Variants in MARCO observed in about 807,000 individuals in gnomAD.
MARCO encodes the protein macrophage receptor with collagenous structure.
In MARCO, 72 loss-of-function variants were observed where a neutral mutation model predicts 70.0. The ratio of observed to expected loss-of-function variants is 1.03; its 90% CI spans 0.85 to 1.25. The LOEUF is 1.25. MARCO is among the 50% of genes most tolerant of loss of function. The pLI, the probability that MARCO is intolerant of heterozygous loss-of-function variation, is 0.00. For synonymous variants in MARCO, 273 were observed against 243.1 expected, an observed-to-expected ratio of 1.12 and a Z score of -1.14; for missense variants, 696 against 659.3, an observed-to-expected ratio of 1.06 and a Z score of -0.61.
rs929464007 is a variant in MARCO, at chr2:118,946,912, C to T, written c.97+4515C>T. 2.6e-5 allele frequency among the ~76,000 whole-genome samples: 4 copies of T among 152,182 alleles called. No homozygotes were observed. In the South Asian group the frequency reaches 8.3e-4, roughly 32 times the overall value. Reference sequence around the variant, plus strand: ...ATTTAATTTACATTTTCCTAATGGCCAGTAATGTTGACTATCTTCTCATGT... The same window carrying T: ...ATTTAATTTACATTTTCCTAATGGCTAGTAATGTTGACTATCTTCTCATGT... On this transcript the variant is annotated intron_variant, in intron 1 of 16. Transcript: ENST00000327097.
In MARCO at chr2:118,994,539, TCTCTGCTCC is replaced by T; in HGVS notation, c.*21_*29del. The T allele has an allele frequency of 6.4e-7, 1 of 1,558,670 alleles. No individual in the cohort carries two copies. Among genetic ancestry groups the T allele is most frequent in the Non-Finnish European group, 8.7e-7 (1 of 1,153,240 alleles). Reference sequence around the variant, plus strand: ...CGTCTGACCCGGAAACCCTTTCACTTCTCTGCTCCCGAGGTGTCCTCGGGCTCATATGTG... The same window carrying T: ...CGTCTGACCCGGAAACCCTTTCACTTCGAGGTGTCCTCGGGCTCATATGTG... On this transcript the variant is annotated 3_prime_UTR_variant, in exon 17 of 17. Coordinates refer to ENST00000327097, the MANE Select transcript of MARCO (RefSeq NM_006770.4).
chr2:118,961,768 G>T (rs1309359021), intron 1 of MARCO, among the ~76,000 whole-genome samples: 1 of 152,090 alleles, frequency 6.6e-6, no homozygotes, highest in East Asian at 1.9e-4. Context: ...GTTGCTTTTG[G>T]CAATTTCCTC....
chr2:118,971,593 C>G (rs913885069), intron 4 of MARCO, 59 bp downstream of exon 4: 9 of 1,575,336 alleles, frequency 5.7e-6, no homozygotes, highest in East Asian at 4.5e-5. Flanking sequence ...CCCAAAAGGG[C>G]CCCTTGGCCT....
At chr2:118,952,112 G>A (rs990978720) in intron 1 of MARCO, among the ~76,000 whole-genome samples, 1 of 152,064 alleles carries the variant, frequency 6.6e-6, no homozygotes, top group African/African-American at 2.4e-5. Flanking sequence ...CCTCTTTCAG[G>A]GGAGTTCTGA....
intron 7 of MARCO, 135 bp downstream of exon 7, chr2:118,977,650 T>C (rs1680311066): frequency 1.3e-6 from 1 of 779,790 alleles, no homozygotes; most frequent in Non-Finnish European, 2.1e-6. Context: ...ACAGTCCTCT[T>C]CTCTTGAGTC....
intron 4 of MARCO, among the ~76,000 whole-genome samples, chr2:118,971,908 G>A (rs1261988092): frequency 1.3e-5 from 2 of 152,218 alleles, no homozygotes; most frequent in Non-Finnish European, 2.9e-5. Flanking sequence ...CACCAGAGGT[G>A]CTGTGCTCAT....
At chr2:118,972,176 G>T (rs1029562447) in intron 4 of MARCO, among the ~76,000 whole-genome samples, 1 of 152,186 alleles carries the variant, frequency 6.6e-6, no homozygotes, top group African/African-American at 2.4e-5. Context: ...TCTGACAATG[G>T]CATGTGCTCT....
At chr2:118,984,036 T>C (rs1680441896) in intron 12 of MARCO, among the ~76,000 whole-genome samples, 1 of 152,204 alleles carries the variant, frequency 6.6e-6, no homozygotes, top group African/African-American at 2.4e-5. Context: ...ACAAGCACTC[T>C]TTGTAGCACA....
At position 118,945,406 on chromosome 2, in the gene MARCO, T is replaced by C. The variant is rs1304999689; in HGVS notation, c.97+3009T>C. 1.3e-3 allele frequency among the ~76,000 whole-genome samples: 27 copies of C among 21,468 alleles called. No homozygotes were observed. In the South Asian group the frequency reaches 0.016, roughly 13 times the overall value. The allele number at this position is 21,468 out of a possible 152,430, so 14.1% of individuals were successfully genotyped here. On this transcript the variant is annotated intron_variant, in intron 1 of 16. Coordinates refer to ENST00000327097, the MANE Select transcript of MARCO (RefSeq NM_006770.4). ...TGATCTGTCGGAACCTCTTGTTTCT[T>C]TTTTTTTTTTTTTTTTTCTTTTTTG...
At chr2:118,977,261 G>T (rs1680300116) in intron 6 of MARCO, among the ~76,000 whole-genome samples, 1 of 151,986 alleles carries the variant, frequency 6.6e-6, no homozygotes, top group Non-Finnish European at 1.5e-5. Flanking sequence ...CAGGGACTCT[G>T]CTGGTTGTGT....
At chr2:118,991,372 C>T (rs1372729569) in intron 13 of MARCO, among the ~76,000 whole-genome samples, 2 of 151,826 alleles carry the variant, frequency 1.3e-5, no homozygotes, top group East Asian at 3.9e-4. Flanking sequence ...AAGTGATCCT[C>T]CCACCTTCGT....
chr2:118,977,317 A>G (rs1680301545), intron 6 of MARCO, among the ~76,000 whole-genome samples, 154 bp from the exon 7 acceptor site: 1 of 146,588 alleles, frequency 6.8e-6, no homozygotes. Flanking sequence ...TGTGTGTGAA[A>G]AAGAGAGAGA....
chr2:118,953,284 A>G (rs911084565), intron 1 of MARCO, among the ~76,000 whole-genome samples: 2 of 152,276 alleles, frequency 1.3e-5, no homozygotes, highest in Admixed American at 6.5e-5. Context: ...AGTTATTAAC[A>G]CAAAGCAAGG....
intron 7 of MARCO, 118 bp downstream of exon 7, chr2:118,977,633 C>T (rs1314462918): frequency 3.3e-6 from 3 of 917,338 alleles, no homozygotes; most frequent in Admixed American, 2.0e-5. Context: ...CAGTTACTGC[C>T]CACCCTACAG....
intron 12 of MARCO, among the ~76,000 whole-genome samples, chr2:118,985,840 T>C (rs746068739): frequency 2.6e-5 from 4 of 152,206 alleles, no homozygotes; most frequent in African/African-American, 9.6e-5. Context: ...AAATTCTTTA[T>C]CTCAATGGCC....
At chr2:118,969,075 C>A in intron 1 of MARCO, 85 bp from the exon 2 acceptor site, 1 of 951,262 alleles carries the variant, frequency 1.1e-6, no homozygotes, top group Non-Finnish European at 1.7e-6. Context: ...GCCCCCTGCT[C>A]ACATGGAGTA....
intron 1 of MARCO, among the ~76,000 whole-genome samples, chr2:118,957,283 C>A (rs1199140011): frequency 6.6e-6 from 1 of 151,856 alleles, no homozygotes; most frequent in Admixed American, 6.6e-5. Context: ...AATAACCTCA[C>A]TAAGAAATAA....
At chr2:118,971,168 T>A (rs552729383) in intron 3 of MARCO, among the ~76,000 whole-genome samples, 25 of 152,222 alleles carry the variant, frequency 1.6e-4, no homozygotes, top group African/African-American at 5.5e-4. Flanking sequence ...TTCCTTGAAA[T>A]GTGAAGGAGC....
At chr2:118,975,907 C>T (rs188085966) in intron 6 of MARCO, among the ~76,000 whole-genome samples, 7 of 152,244 alleles carry the variant, frequency 4.6e-5, no homozygotes, top group East Asian at 1.9e-4. Context: ...TGCAGACATT[C>T]GCACCCCCCA....
Sources: allele counts gnomAD v4.1 joint callset (sites outside exome capture counted in the v4.1 genomes callset), GRCh38; gene constraint gnomAD v4.1.1; transcripts MANE v1.5; gene names NCBI Gene and HGNC (gene_info 2026-07-23, HGNC 2026-07-21).